Variants in BTC observed in about 807,000 individuals in gnomAD.
BTC encodes the protein probetacellulin.
A neutral mutation model predicts 18.1 loss-of-function variants in BTC; 13 were observed. The observed-to-expected ratio is 0.72, with a 90% CI of 0.47 to 1.14. The LOEUF is 1.14. BTC is among the 50% of genes most tolerant of loss of function. BTC has a pLI of 0.00. For synonymous variants in BTC, 83 were observed against 79.4 expected, an observed-to-expected ratio of 1.05 and a Z score of -0.24; for missense variants, 247 against 224.2, an observed-to-expected ratio of 1.10 and a Z score of -0.65.
intron 2 of BTC, among the ~76,000 whole-genome samples, chr4:74,767,302 C>A (rs946079819): frequency 6.0e-5 from 9 of 151,226 alleles, no homozygotes; most frequent in Admixed American, 5.9e-4. Flanking sequence ...ACGAACTATT[C>A]AAAAAGCAAA....
intron 2 of BTC, among the ~76,000 whole-genome samples, chr4:74,764,506 C>T (rs1330712328): frequency 6.6e-6 from 1 of 152,124 alleles, no homozygotes; most frequent in African/African-American, 2.4e-5. Flanking sequence ...CCTTAGACCC[C>T]TCTTTTTGTC....
intron 1 of BTC, among the ~76,000 whole-genome samples, chr4:74,783,262 G>T (rs1725385274): frequency 6.6e-6 from 1 of 152,078 alleles, no homozygotes; most frequent in Non-Finnish European, 1.5e-5. Flanking sequence ...CATCCATCTT[G>T]AGTTATTTTT....
chr4:74,753,045 C>T (rs1053214005), intron 3 of BTC, among the ~76,000 whole-genome samples: 1 of 152,288 alleles, frequency 6.6e-6, no homozygotes, highest in Non-Finnish European at 1.5e-5. Flanking sequence ...AAACCAATAA[C>T]ATATCAGCTG....
At chr4:74,783,902 A>T (rs1725405636) in intron 1 of BTC, among the ~76,000 whole-genome samples, 1 of 151,752 alleles carries the variant, frequency 6.6e-6, no homozygotes, top group Non-Finnish European at 1.5e-5. Flanking sequence ...TTCATTCCTG[A>T]TTTGGCTCTT....
rs782001193 is a variant in BTC at position 74,750,665 on chromosome 4, T to C, written c.336A>G (p.Leu112=). The C allele has an allele frequency of 6.2e-7, 1 of 1,613,976 alleles. No homozygotes were observed. The highest frequency in any genetic ancestry group is 1.7e-5 in the Admixed American group (1 of 60,008). The change falls in exon 4 of 6, where the codon CTA becomes CTG. Residue 112 remains leucine, a synonymous_variant. Transcript: ENST00000395743. The part of the protein sequence containing the change: ...ARCERVDLFY[L]RGDRGQILVI... ...CCAGAATCTGTCCTCTGTCTCCTCT[T>C]AGGTAAAACAAGTCAACTCTCTCAC...
In BTC at chr4:74,745,112, CTT is replaced by C. The variant is rs1356361464; in HGVS notation, c.*1563_*1564del. 2 of 152,140 alleles carry C rather than the reference CTT, an allele frequency of 1.3e-5. No homozygotes were observed. Among genetic ancestry groups the C allele is most frequent in the Admixed American group, 6.5e-5 (1 of 15,274 alleles). 9.4% of individuals were successfully genotyped at this position (152,140 alleles called of 1,614,324 possible). A position where few individuals can be genotyped will look rare whatever the true frequency, so the allele number is the denominator to read the frequency against. ...AGGGCATGAATGAGCTTAAATGAGA[CTT>C]TTGAAAATAAGGCATATACAACATG... On this transcript the variant is annotated 3_prime_UTR_variant, in exon 6 of 6. Transcript: ENST00000395743.
At chr4:74,786,629 G>C (rs971762379) in intron 1 of BTC, among the ~76,000 whole-genome samples, 2 of 152,142 alleles carry the variant, frequency 1.3e-5, no homozygotes, top group Non-Finnish European at 2.9e-5. Context: ...TCACACAAGA[G>C]AGAAAATCAT....
chr4:74,754,938 A>AAC (rs33972204), intron 3 of BTC, among the ~76,000 whole-genome samples: 5,194 of 149,944 alleles, frequency 0.035, 223 homozygotes, highest in African/African-American at 0.11. Context: ...TATCCCTCTC[A>AAC]ACACACACAC....
rs1264686084 is a variant in BTC at position 74,767,605 on chromosome 4, T to A, written c.163+2453A>T. ...ATTCAAAGGAAACTACAAAGGACCC[T>A]GGATAGCCAAAACAATCTTGAGCAA... On this transcript the variant is annotated intron_variant, in intron 2 of 5. Coordinates refer to ENST00000395743, the MANE Select transcript of BTC (RefSeq NM_001729.4). Among the ~76,000 whole-genome samples the A allele has an allele frequency of 2.0e-5, 3 of 152,068 alleles. No individual in the cohort carries two copies. The East Asian group carries it at 5.8e-4, about 29-fold the overall frequency.
intron 1 of BTC, among the ~76,000 whole-genome samples, chr4:74,776,828 T>A (rs989756285): frequency 1.3e-5 from 2 of 152,168 alleles, no homozygotes; most frequent in Non-Finnish European, 2.9e-5. Flanking sequence ...AAATATAATA[T>A]CACAAAATGT....
chr4:74,746,533 CAAACT>C lies in BTC; in HGVS notation c.*139_*143del, dbSNP rs1196775775. 8 of 152,474 alleles carry C rather than the reference CAAACT, an allele frequency of 5.2e-5. No individual in the cohort carries two copies. The highest frequency in any genetic ancestry group is 1.9e-4 in the African/African-American group (8 of 41,406). The allele number at this position is 152,474 out of a possible 1,614,324, so 9.4% of individuals were successfully genotyped here. A position where few individuals can be genotyped will look rare whatever the true frequency, so the allele number is the denominator to read the frequency against. On this transcript the variant is annotated 3_prime_UTR_variant, in exon 6 of 6. Transcript: ENST00000395743. ...ATGTTCTTATTAAAAAATAATAACACAAACTAAAGTTGCAAATAAAAAGTAAATAC... is the reference window on the plus strand; with the variant it reads ...ATGTTCTTATTAAAAAATAATAACACAAAGTTGCAAATAAAAAGTAAATAC...
chr4:74,776,157 G>T (rs745548017), intron 1 of BTC, among the ~76,000 whole-genome samples: 2 of 149,696 alleles, frequency 1.3e-5, no homozygotes, highest in Non-Finnish European at 2.9e-5. Context: ...CATTGCTATA[G>T]CTCTGTTTTG....
chr4:74,764,623 T>C (rs1276081019), intron 2 of BTC, among the ~76,000 whole-genome samples: 2 of 152,180 alleles, frequency 1.3e-5, no homozygotes, highest in Non-Finnish European at 2.9e-5. Flanking sequence ...GTGGTTTATA[T>C]ACACCATGAA....
chr4:74,750,859 C>A, intron 3 of BTC, 140 bp from the exon 4 acceptor site: 1 of 1,155,500 alleles, frequency 8.7e-7, no homozygotes, highest in East Asian at 2.5e-5. Context: ...AGATGCACTA[C>A]TTTGTTGACC....
chr4:74,759,130 C>T (rs932600592), intron 2 of BTC, among the ~76,000 whole-genome samples: 2 of 152,040 alleles, frequency 1.3e-5, no homozygotes, highest in Admixed American at 6.6e-5. Flanking sequence ...TGGAACCCAG[C>T]GTTTTCTGCC....
intron 1 of BTC, among the ~76,000 whole-genome samples, chr4:74,773,309 A>T (rs1379112442): frequency 6.6e-6 from 1 of 152,182 alleles, no homozygotes; most frequent in Admixed American, 6.6e-5. Context: ...GACCCCTTTA[A>T]GTGTCCCAGA....
intron 1 of BTC, among the ~76,000 whole-genome samples, chr4:74,784,059 C>A (rs1380183822): frequency 6.6e-6 from 1 of 151,718 alleles, no homozygotes; most frequent in Non-Finnish European, 1.5e-5. Flanking sequence ...ATGATGAAAC[C>A]CTGTCTCTAC....
chr4:74,788,955 A>T (rs981223804), intron 1 of BTC, among the ~76,000 whole-genome samples: 2 of 152,222 alleles, frequency 1.3e-5, no homozygotes, highest in Non-Finnish European at 2.9e-5. Flanking sequence ...TATCAAAGCT[A>T]GGAAGTGTGT....
At chr4:74,789,547 A>G (rs1425518533) in intron 1 of BTC, among the ~76,000 whole-genome samples, 1 of 152,192 alleles carries the variant, frequency 6.6e-6, no homozygotes, top group Non-Finnish European at 1.5e-5. Flanking sequence ...ATAGGTGAGA[A>G]AATTACACAA....
Sources: allele counts gnomAD v4.1 joint callset (sites outside exome capture counted in the v4.1 genomes callset), GRCh38; gene constraint gnomAD v4.1.1; transcripts MANE v1.5; gene names NCBI Gene and HGNC (gene_info 2026-07-23, HGNC 2026-07-21).